Variants in PCA3 observed in about 807,000 individuals in gnomAD.
PCA3 encodes Differential Display code 3.
At chr9:76,768,583 A>ATGTGTGTGTGTGTGTG (rs55793596) in intron 2 of PCA3, among the ~76,000 whole-genome samples, 14 of 103,244 alleles carry the variant, frequency 1.4e-4, no homozygotes, top group African/African-American at 3.6e-4. Flanking sequence ...ATGTATATGT[A>ATGTGTGTGTGTGTGTG]TGTGTGTGTG....
chr9:76,768,384 G>T (rs2052668817), intron 2 of PCA3, among the ~76,000 whole-genome samples: 1 of 151,942 alleles, frequency 6.6e-6, no homozygotes, highest in Non-Finnish European at 1.5e-5. Context: ...GTAGTGACGG[G>T]GGTTCACCAT....
intron 2 of PCA3, among the ~76,000 whole-genome samples, chr9:76,772,481 G>C (rs2053220541): frequency 1.3e-5 from 2 of 152,082 alleles, no homozygotes; most frequent in Admixed American, 1.3e-4. Flanking sequence ...ACTCTTAAAG[G>C]AAACCAAAAA....
intron 2 of PCA3, among the ~76,000 whole-genome samples, chr9:76,775,027 C>G (rs1485025670): frequency 8.6e-5 from 13 of 152,040 alleles, no homozygotes; most frequent in Non-Finnish European, 1.9e-4. Flanking sequence ...TCTGTAATCA[C>G]TCAGTGAATT....
intron 2 of PCA3, among the ~76,000 whole-genome samples, chr9:76,773,827 GAA>G (rs2053400125): frequency 6.6e-6 from 1 of 152,130 alleles, no homozygotes; most frequent in Non-Finnish European, 1.5e-5. Flanking sequence ...ATTCAACAAG[GAA>G]ACTTACTTAG....
At chr9:76,765,996 C>T (rs1384246084) in intron 2 of PCA3, among the ~76,000 whole-genome samples, 1 of 151,958 alleles carries the variant, frequency 6.6e-6, no homozygotes. Context: ...TCCTGGCCAA[C>T]ATGATGAAAC....
chr9:76,781,622 A>C (rs1415368504), intron 2 of PCA3, among the ~76,000 whole-genome samples: 1 of 152,218 alleles, frequency 6.6e-6, no homozygotes, highest in Non-Finnish European at 1.5e-5. Context: ...TTTTCTTCAT[A>C]GCACTTAAAT....
intron 2 of PCA3, among the ~76,000 whole-genome samples, chr9:76,777,796 G>A (rs1014777281): frequency 1.1e-4 from 16 of 152,216 alleles, no homozygotes; most frequent in African/African-American, 3.9e-4. Context: ...GATGGTCAGG[G>A]AAGATGTCAC....
intron 2 of PCA3, among the ~76,000 whole-genome samples, chr9:76,772,349 T>G (rs10117778): frequency 6.6e-6 from 1 of 151,512 alleles, no homozygotes; most frequent in South Asian, 2.1e-4. Flanking sequence ...ATTTTTTTTT[T>G]AAATGGCAAT....
chr9:76,771,613 A>G (rs2053116900), intron 2 of PCA3, among the ~76,000 whole-genome samples: 2 of 152,190 alleles, frequency 1.3e-5, no homozygotes, highest in South Asian at 4.1e-4. Context: ...CAGAGTATTG[A>G]ATGGCTGCAA....
intron 2 of PCA3, chr9:76,780,065 A>C (rs1308451869): frequency 6.6e-6 from 1 of 152,212 alleles, no homozygotes; most frequent in African/African-American, 2.4e-5. Flanking sequence ...TATTTTCTTA[A>C]GGATTTGTCT....
chr9:76,781,726 A>C (rs967768722), intron 2 of PCA3, among the ~76,000 whole-genome samples: 10 of 152,330 alleles, frequency 6.6e-5, no homozygotes, highest in African/African-American at 2.4e-4. Flanking sequence ...AATTATGTGT[A>C]TTTTAGTTCC....
intron 2 of PCA3, chr9:76,785,543 C>T (rs1308634474): frequency 6.6e-6 from 1 of 152,168 alleles, no homozygotes; most frequent in African/African-American, 2.4e-5. Flanking sequence ...CAAAGGTAAC[C>T]TTTATCCATT....
In PCA3 at chr9:76,775,661, C is replaced by A. The variant is rs114145743; in HGVS notation, n.853-32922C>A. 3.2e-3 allele frequency among the ~76,000 whole-genome samples: 493 copies of A among 152,288 alleles called. 5 individuals are homozygous for A. The highest frequency in any genetic ancestry group is 0.012 in the African/African-American group (484 of 41,548). On this transcript the variant is annotated intron_variant and non_coding_transcript_variant, in intron 2 of 5. Coordinates refer to ENST00000644657, the Ensembl canonical transcript of PCA3. ...TCCATATTTCTTCTCTTCAGGTATGCAAGGAATGTTATCTCTTTACATTTG... is the reference window on the plus strand; with the variant it reads ...TCCATATTTCTTCTCTTCAGGTATGAAAGGAATGTTATCTCTTTACATTTG...
At chr9:76,769,342 C>T (rs1380009072) in intron 2 of PCA3, among the ~76,000 whole-genome samples, 2 of 152,180 alleles carry the variant, frequency 1.3e-5, no homozygotes, top group African/African-American at 2.4e-5. Flanking sequence ...CCAGTAGCTC[C>T]GTAGCACTTC....
intron 2 of PCA3, among the ~76,000 whole-genome samples, chr9:76,782,130 CATGA>C (rs2054481284): frequency 1.3e-5 from 2 of 152,194 alleles, no homozygotes; most frequent in South Asian, 4.1e-4. Flanking sequence ...AGGAGAATGG[CATGA>C]ACCCGGGAGG....
chr9:76,769,667 C>T (rs983290337), intron 2 of PCA3, among the ~76,000 whole-genome samples: 6 of 152,116 alleles, frequency 3.9e-5, no homozygotes, highest in African/African-American at 9.7e-5. Context: ...TCAGGTGATC[C>T]GCCCGCCTCA....
intron 2 of PCA3, among the ~76,000 whole-genome samples, chr9:76,766,090 G>GGA (rs2052347264): frequency 6.6e-6 from 1 of 151,682 alleles, no homozygotes; most frequent in Non-Finnish European, 1.5e-5. Flanking sequence ...GGCTGAGGCA[G>GGA]GAGAATCGCT....
At chr9:76,783,288 C>A in intron 2 of PCA3, among the ~76,000 whole-genome samples, 1 of 152,180 alleles carries the variant, frequency 6.6e-6, no homozygotes, top group East Asian at 1.9e-4. Context: ...AGGCATGCAC[C>A]AGCACGCCCA....
chr9:76,784,423 A>G (rs2054758489), intron 2 of PCA3: 1 of 152,192 alleles, frequency 6.6e-6, no homozygotes, highest in African/African-American at 2.4e-5. Flanking sequence ...GGAGATAACC[A>G]CGGGGCAGAG....
Sources: allele counts gnomAD v4.1 joint callset (sites outside exome capture counted in the v4.1 genomes callset), GRCh38; gene constraint gnomAD v4.1.1; transcripts MANE v1.5; gene names NCBI Gene and HGNC (gene_info 2026-07-23, HGNC 2026-07-21).